HNF4G: variants seen among roughly 807,000 people sequenced by gnomAD.
The protein encoded by HNF4G is hepatocyte nuclear factor 4 gamma.
A neutral mutation model predicts 50.9 loss-of-function variants in HNF4G; 21 were observed. The ratio of observed to expected loss-of-function variants is 0.41; its 90% CI spans 0.29 to 0.59. HNF4G has a LOEUF of 0.59. HNF4G is among the 20% of genes least tolerant of loss of function. The probability of loss-of-function intolerance (pLI) is 0.26; values close to 1 mark genes in which losing one functional copy is unlikely to be tolerated. For missense variants in HNF4G, 527 were observed against 559.4 expected (o/e 0.94, Z 0.58); for synonymous variants, 198 against 185.6 (o/e 1.07, Z -0.54).
upstream of HNF4G, among the ~76,000 whole-genome samples, chr8:75,539,354 G>A (rs1020469575): frequency 2.0e-4 from 31 of 152,126 alleles, no homozygotes; most frequent in African/African-American, 6.8e-4. Flanking sequence ...TAAGGGTTAC[G>A]CCTAGGGGGC....
chr8:75,452,650 C>A (rs1241089513), intron 1 of HNF4G, among the ~76,000 whole-genome samples: 2 of 149,948 alleles, frequency 1.3e-5, no homozygotes, highest in Non-Finnish European at 3.0e-5. Context: ...ACCCGGGAGG[C>A]GGAGCTTGCA....
At chr8:75,548,315 A>C (rs537862687) in intron 3 of HNF4G, among the ~76,000 whole-genome samples, 16 of 152,168 alleles carry the variant, frequency 1.1e-4, no homozygotes, top group African/African-American at 3.6e-4. Flanking sequence ...GTTGTTCTCA[A>C]TAACAACTGA....
chr8:75,536,298 A>G (rs928130657), upstream of HNF4G, among the ~76,000 whole-genome samples: 1 of 152,004 alleles, frequency 6.6e-6, no homozygotes, highest in African/African-American at 2.4e-5. Context: ...ATGTATTGCT[A>G]TGTATAAATG....
intron 2 of HNF4G, among the ~76,000 whole-genome samples, chr8:75,532,517 C>T (rs892247447): frequency 1.3e-5 from 2 of 151,858 alleles, no homozygotes; most frequent in African/African-American, 2.4e-5. Flanking sequence ...ACTTTTTATA[C>T]CACATTGAAT....
At chr8:75,532,013 ATCATCT>A (rs1806340522) in intron 2 of HNF4G, among the ~76,000 whole-genome samples, 1 of 152,050 alleles carries the variant, frequency 6.6e-6, no homozygotes, top group Non-Finnish European at 1.5e-5. Context: ...ATCAGATAAG[ATCATCT>A]TCACTATTCT....
At chr8:75,434,512 A>C (rs1235048866) in intron 1 of HNF4G, among the ~76,000 whole-genome samples, 1 of 152,164 alleles carries the variant, frequency 6.6e-6, no homozygotes, top group Non-Finnish European at 1.5e-5. Context: ...GAAACAGAAC[A>C]ACAAAATAAA....
At chr8:75,449,673 A>AT (rs1295029747) in intron 1 of HNF4G, among the ~76,000 whole-genome samples, 3 of 151,412 alleles carry the variant, frequency 2.0e-5, no homozygotes, top group Middle Eastern at 3.4e-3. Flanking sequence ...CGCCAGGCTA[A>AT]TTTTTTTGTA....
chr8:75,514,474 T>C (rs1805842726), intron 2 of HNF4G, among the ~76,000 whole-genome samples: 4 of 150,712 alleles, frequency 2.7e-5, no homozygotes, highest in East Asian at 2.0e-4. Context: ...TGCCTCAGCC[T>C]CCCAAGTAGC....
chr8:75,477,512 G>C (rs546640519), intron 1 of HNF4G, among the ~76,000 whole-genome samples: 1 of 152,010 alleles, frequency 6.6e-6, no homozygotes, highest in African/African-American at 2.4e-5. Context: ...GGAAATTTAC[G>C]CAAGAGAGAA....
intron 1 of HNF4G, 60 bp from the exon 2 acceptor site, chr8:75,543,751 G>A (rs994447687): frequency 5.0e-6 from 7 of 1,401,750 alleles, no homozygotes; most frequent in Non-Finnish European, 5.9e-6. Flanking sequence ...ATAATTAGTA[G>A]GACAATTTAG....
At chr8:75,519,832 A>G (rs1461051711) in intron 2 of HNF4G, among the ~76,000 whole-genome samples, 1 of 123,632 alleles carries the variant, frequency 8.1e-6, no homozygotes, top group Non-Finnish European at 1.8e-5. Context: ...ATAATTGTGC[A>G]TGTGAGCGTG....
At chr8:75,439,976 A>G (rs1275979224) in intron 1 of HNF4G, among the ~76,000 whole-genome samples, 2 of 151,954 alleles carry the variant, frequency 1.3e-5, no homozygotes, top group African/African-American at 4.8e-5. Flanking sequence ...CACATACAGT[A>G]TTGAAGGTGA....
chr8:75,520,105 G>A (rs1806001130), intron 2 of HNF4G, among the ~76,000 whole-genome samples: 1 of 151,262 alleles, frequency 6.6e-6, no homozygotes, highest in Non-Finnish European at 1.5e-5. Flanking sequence ...GATATTATAA[G>A]TGCTTTTTAG....
chr8:75,450,761 G>C (rs1811565085), intron 1 of HNF4G, among the ~76,000 whole-genome samples: 1 of 152,210 alleles, frequency 6.6e-6, no homozygotes. Context: ...CAAGTGTTGA[G>C]AAATGGGAAC....
chr8:75,557,096 T>A (rs1210930949), intron 6 of HNF4G, among the ~76,000 whole-genome samples: 1 of 152,180 alleles, frequency 6.6e-6, no homozygotes, highest in African/African-American at 2.4e-5. Context: ...GAATTTCTAG[T>A]AAACATCTAG....
intron 1 of HNF4G, among the ~76,000 whole-genome samples, chr8:75,476,942 A>T (rs752963871): frequency 6.6e-5 from 10 of 152,186 alleles, no homozygotes; most frequent in Non-Finnish European, 1.5e-4. Flanking sequence ...TCATGGATAG[A>T]TTCAATTGAA....
intron 1 of HNF4G, among the ~76,000 whole-genome samples, chr8:75,458,369 CTT>C (rs61411885): frequency 0.011 from 1,332 of 117,062 alleles, 13 homozygotes; most frequent in Admixed American, 0.026. Flanking sequence ...AATGGTCTAA[CTT>C]TTTTTTTTTT....
chr8:75,477,690 G>A (rs1017136950), intron 1 of HNF4G, among the ~76,000 whole-genome samples: 12 of 151,876 alleles, frequency 7.9e-5, no homozygotes, highest in African/African-American at 9.7e-5. Flanking sequence ...GTTCTCTGCC[G>A]GGCGTGGTGG....
At chr8:75,419,087 A>G (rs1810716993) in intron 1 of HNF4G, among the ~76,000 whole-genome samples, 1 of 151,958 alleles carries the variant, frequency 6.6e-6, no homozygotes, top group Non-Finnish European at 1.5e-5. Flanking sequence ...ACAAACCACT[A>G]TTTTCCCATC....
Sources: allele counts gnomAD v4.1 joint callset (sites outside exome capture counted in the v4.1 genomes callset), GRCh38; gene constraint gnomAD v4.1.1; transcripts MANE v1.5; gene names NCBI Gene and HGNC (gene_info 2026-07-23, HGNC 2026-07-21).